CUX2: variants seen among roughly 807,000 people sequenced by gnomAD.
The protein encoded by CUX2 is cut like homeobox 2, also known as homeobox protein cut-like 2.
A neutral mutation model predicts 144.8 loss-of-function variants in CUX2; 40 were observed. That is an observed-to-expected ratio of 0.28 (90% CI 0.21 to 0.36). The LOEUF (loss-of-function observed/expected upper bound fraction) is 0.36. Among genes scored for constraint, CUX2 ranks in the 10% least tolerant of loss-of-function variants. The pLI, the probability that CUX2 is intolerant of heterozygous loss-of-function variation, is 1.00. For synonymous variants in CUX2, 827 were observed against 875.6 expected (o/e 0.94, Z 0.98); for missense variants, 1,615 against 1,994.0 (o/e 0.81, Z 3.62).
chr12:111,251,327 G>A (rs1340814459), intron 3 of CUX2, among the ~76,000 whole-genome samples: 1 of 152,144 alleles, frequency 6.6e-6, no homozygotes, highest in East Asian at 1.9e-4. Context: ...GAGAGAGAAC[G>A]AGAGGAAAAG....
At position 111,312,258 on chromosome 12, in the gene CUX2, A is replaced by G; in HGVS notation, c.2002+57A>G. 1 of 1,457,574 alleles carries G rather than the reference A, an allele frequency of 6.9e-7. No homozygotes were observed. Among genetic ancestry groups the G allele is most frequent in the Non-Finnish European group, 9.4e-7 (1 of 1,064,530 alleles). The allele number at this position is 1,457,574 out of a possible 1,614,324, so 90.3% of individuals were successfully genotyped here. On this transcript the variant is annotated intron_variant, in intron 16 of 21. Coordinates refer to ENST00000261726, the MANE Select transcript of CUX2 (RefSeq NM_015267.4). The surrounding 1 kb of genome is among the most constrained non-coding windows in gnomAD (Gnocchi z 4.3). The stretch of plus-strand genomic sequence containing the variant: ...GCCCCCGGGGCCAGCTGCGAACAGG[A>G]GATGAGGCTTCGTCTACCTTTGTCC...
At chr12:111,269,074 A>G (rs1304583475) in intron 4 of CUX2, among the ~76,000 whole-genome samples, 1 of 152,192 alleles carries the variant, frequency 6.6e-6, no homozygotes, top group African/African-American at 2.4e-5. Flanking sequence ...CTCCTCTTCC[A>G]TAAATTGAGA....
intron 18 of CUX2, among the ~76,000 whole-genome samples, chr12:111,329,030 C>G (rs968155284): frequency 7.7e-6 from 1 of 129,612 alleles, no homozygotes; most frequent in African/African-American, 3.0e-5. Context: ...CTCTCTCTCT[C>G]CCCCTGCCTC....
rs573151060 is a variant in CUX2, at chr12:111,207,381, G to A, written c.64-6819G>A. Among the ~76,000 whole-genome samples the A allele has an allele frequency of 7.9e-5, 12 of 152,234 alleles. No homozygotes were observed. The East Asian group carries it at 9.6e-4, about 12-fold the overall frequency. On this transcript the variant is annotated intron_variant, in intron 1 of 21. Coordinates refer to ENST00000261726, the MANE Select transcript of CUX2 (RefSeq NM_015267.4). The stretch of plus-strand genomic sequence containing the variant: ...GCTCTTGGAGGATCCAGGCTATATC[G>A]GGCTTATCATTTCCATCCTCCTTAT...
At chr12:111,120,429 G>A (rs1874577198) in intron 1 of CUX2, among the ~76,000 whole-genome samples, 1 of 152,174 alleles carries the variant, frequency 6.6e-6, no homozygotes, top group Admixed American at 6.5e-5. Context: ...AAATAGCCGG[G>A]CTTCAGCATC....
rs891390319 is a variant in CUX2, at chr12:111,160,994, C to T, written c.64-53206C>T. Among the ~76,000 whole-genome samples the T allele has an allele frequency of 6.6e-6, 1 of 152,140 alleles. No individual in the cohort carries two copies. Among genetic ancestry groups the T allele is most frequent in the African/African-American group, 2.4e-5 (1 of 41,420 alleles). On this transcript the variant is annotated intron_variant, in intron 1 of 21. Coordinates refer to ENST00000261726, the MANE Select transcript of CUX2 (RefSeq NM_015267.4). The surrounding 1 kb of genome is among the most constrained non-coding windows in gnomAD (Gnocchi z 4.1). ...TTGAAACCTGAGATGCCCATGGTCT[C>T]CCAGAGGGGTTATCAGGTCCGCAGT... is the stretch of plus-strand genomic sequence containing the variant.
rs535516643 is a variant in CUX2, at chr12:111,229,748, C to T, written c.222+11811C>T. Among the ~76,000 whole-genome samples the T allele has an allele frequency of 9.9e-5, 15 of 152,116 alleles. No homozygotes were observed. The South Asian group carries it at 2.9e-3, about 30-fold the overall frequency. On this transcript the variant is annotated intron_variant, in intron 3 of 21. Transcript: ENST00000261726. Reference sequence around the variant, plus strand: ...AAAAAAAAGTTTTTTTGGCCAAGCACAGTGGCTCACGCTTATAATCCTAAC... The same window carrying T: ...AAAAAAAAGTTTTTTTGGCCAAGCATAGTGGCTCACGCTTATAATCCTAAC...
intron 4 of CUX2, among the ~76,000 whole-genome samples, chr12:111,269,394 T>G (rs1443077631): frequency 2.6e-5 from 4 of 152,224 alleles, no homozygotes; most frequent in Admixed American, 6.5e-5. Context: ...CTTGTGTTGT[T>G]TACTCAGATA....
In CUX2 at chr12:111,320,058, G is replaced by C. The variant is rs891101504; in HGVS notation, c.2049G>C (p.Thr683=). The C allele has an allele frequency of 2.8e-5, 43 of 1,544,650 alleles. No homozygotes were observed. Among genetic ancestry groups the C allele is most frequent in the African/African-American group, 9.6e-5 (7 of 72,722 alleles). The change falls in exon 17 of 22, where the codon ACG becomes ACC. Residue 683 remains threonine, a synonymous_variant. Coordinates refer to ENST00000261726, the MANE Select transcript of CUX2 (RefSeq NM_015267.4). The surrounding 1 kb of genome is among the most constrained non-coding windows in gnomAD (Gnocchi z 8.1). ...SVAPLSIANG[T]TPASTSEDAI... ...CCCCGCTGAGCATCGCCAACGGCAC[G>C]ACCCCCGCCAGCACCTCGGAGGACG...
chr12:111,042,114 C>T (rs1017926705), intron 1 of CUX2, among the ~76,000 whole-genome samples: 3 of 152,250 alleles, frequency 2.0e-5, no homozygotes, highest in African/African-American at 7.2e-5. Context: ...GCCTCTTTGG[C>T]CTGAGCTGGT....
chr12:111,119,722 G>A (rs1874518476), intron 1 of CUX2, among the ~76,000 whole-genome samples: 1 of 152,188 alleles, frequency 6.6e-6, no homozygotes, highest in African/African-American at 2.4e-5. Flanking sequence ...AAAAATGGTT[G>A]CATGAATACA....
intron 4 of CUX2, among the ~76,000 whole-genome samples, chr12:111,281,571 C>T (rs1450915649): frequency 6.6e-6 from 1 of 152,232 alleles, no homozygotes; most frequent in Admixed American, 6.5e-5. Context: ...CATCATGCCT[C>T]CCACAGACGC....
intron 1 of CUX2, among the ~76,000 whole-genome samples, chr12:111,108,589 ATC>A (rs1873748722): frequency 6.6e-6 from 1 of 151,560 alleles, no homozygotes; most frequent in Admixed American, 6.6e-5. Flanking sequence ...TCATATTTTA[ATC>A]TGTTTCCCCT....
intron 1 of CUX2, among the ~76,000 whole-genome samples, chr12:111,158,764 GAAAA>G (rs957344958): frequency 6.6e-6 from 1 of 150,968 alleles, no homozygotes; most frequent in Non-Finnish European, 1.5e-5. Context: ...TCTACTTAAA[GAAAA>G]AAAAAGATAC....
chr12:111,070,046 C>T (rs754988076), intron 1 of CUX2, among the ~76,000 whole-genome samples: 10 of 152,174 alleles, frequency 6.6e-5, no homozygotes, highest in Non-Finnish European at 1.5e-4. Context: ...GAGCTCCTGG[C>T]CGCAGAGCTT....
At chr12:111,136,005 A>AG (rs1242912803) in intron 1 of CUX2, among the ~76,000 whole-genome samples, 1 of 152,004 alleles carries the variant, frequency 6.6e-6, no homozygotes, top group Non-Finnish European at 1.5e-5. Context: ...AGGAGGAGTG[A>AG]GGGGGCAGGT....
At position 111,214,174 on chromosome 12, in the gene CUX2, T is replaced by TC. The variant is rs11338501; in HGVS notation, c.64-26_64-25insC. The TC allele has an allele frequency of 2.4e-3, 361 of 147,816 alleles. 1 individual carries two copies. The highest frequency in any genetic ancestry group is 0.019 in the African/African-American group (196 of 10,514). The allele number at this position is 147,816 out of a possible 1,614,324, so 9.2% of individuals were successfully genotyped here. On this transcript the variant is annotated intron_variant, in intron 1 of 21. Coordinates refer to ENST00000261726, the MANE Select transcript of CUX2 (RefSeq NM_015267.4). ...AATCTTTTTCTTTTCTCTCTCTCTC[T>TC]TTTTTTTTTTTTTTTATTGTTCCAG... is the stretch of plus-strand genomic sequence containing the variant.
At chr12:111,071,970 C>T (rs1871271808) in intron 1 of CUX2, among the ~76,000 whole-genome samples, 1 of 152,176 alleles carries the variant, frequency 6.6e-6, no homozygotes. Context: ...TTCTATCGAT[C>T]TATTTGTCTA....
intron 3 of CUX2, among the ~76,000 whole-genome samples, chr12:111,257,969 A>C (rs1185618550): frequency 3.3e-5 from 5 of 152,200 alleles, no homozygotes; most frequent in African/African-American, 1.2e-4. Context: ...ACTTGTTCTC[A>C]GCATGTGGGT....
Sources: gnomAD v4.1 joint callset for allele counts (sites outside exome capture counted in the v4.1 genomes callset) on GRCh38, gnomAD v4.1.1 for gene constraint, Gnocchi (gnomAD v3.1) non-coding constraint, MANE v1.5 for transcripts, NCBI Gene and HGNC (gene_info 2026-07-23, HGNC 2026-07-21) for gene names.